The following CEP85L variants were observed in gnomAD, a reference collection of about 807,000 sequenced individuals.
The protein encoded by CEP85L is centrosomal protein 85L.
CEP85L carries 60 observed loss-of-function variants against 100.3 expected under a neutral mutation model. The observed-to-expected ratio is 0.60, with a 90% CI of 0.49 to 0.74. CEP85L has a LOEUF of 0.74. Among genes scored for constraint, CEP85L ranks in the 30% least tolerant of loss-of-function variants. The probability of loss-of-function intolerance (pLI) is 0.00; values close to 1 mark genes in which losing one functional copy is unlikely to be tolerated. For missense variants in CEP85L, 973 were observed against 936.2 expected (o/e 1.04, Z -0.51); for synonymous variants, 319 against 322.7 (o/e 0.99, Z 0.12).
intron 2 of CEP85L, among the ~76,000 whole-genome samples, chr6:118,608,394 C>T (rs1024265563): frequency 6.6e-6 from 1 of 151,998 alleles, no homozygotes; most frequent in East Asian, 1.9e-4. Context: ...ACTCGGGAGG[C>T]TGAGGCAGGA....
chr6:118,485,955 GGTCT>G lies in CEP85L; in HGVS notation c.1438-2101_1438-2098del, dbSNP rs1774150565. ...GCCTCAAAAAGCAATGACTGGAATA[GGTCT>G]GTCTGTGTGCAAAGATGTCCTACTT... On this transcript the variant is annotated intron_variant, in intron 6 of 12. Transcript: ENST00000368491. Among the ~76,000 whole-genome samples, 5 of 152,314 alleles carry G rather than the reference GGTCT, an allele frequency of 3.3e-5. No individual in the cohort carries two copies. In the South Asian group the frequency reaches 1.0e-3, roughly 32 times the overall value.
rs7739395 is a variant in CEP85L at position 118,618,018 on chromosome 6, T to C, written c.232+14435A>G. On this transcript the variant is annotated intron_variant, in intron 2 of 12. Transcript: ENST00000368491. ...AGGGCTCTCTGACAATCCCTGACCC[T>C]TTGGAGTTGGGAGCACTGGTTTGCC... Among the ~76,000 whole-genome samples, 404 of 152,206 alleles carry C rather than the reference T, an allele frequency of 2.7e-3. 10 individuals carry two copies. The East Asian group carries it at 0.056, about 21-fold the overall frequency.
intron 1 of CEP85L, among the ~76,000 whole-genome samples, chr6:118,669,924 T>C (rs530116515): frequency 1.8e-4 from 27 of 150,020 alleles, no homozygotes; most frequent in Non-Finnish European, 3.1e-4. Flanking sequence ...AGATAACTCA[T>C]GTGTAAGAGG....
At chr6:118,502,153 C>A in intron 5 of CEP85L, 1 of 1,152,374 alleles carries the variant, frequency 8.7e-7, no homozygotes, top group Non-Finnish European at 1.2e-6. Context: ...GAATATTCTG[C>A]AGGGGTTCAA....
At position 118,607,035 on chromosome 6, in the gene CEP85L, C is replaced by CAT. The variant is rs1247207716; in HGVS notation, c.232+25416_232+25417dup. The stretch of plus-strand genomic sequence containing the variant: ...GCCCTAGTGATCCAGCTTGTGGCAC[C>CAT]ATAGCCATGGGGGCCAAGCTGCATC... On this transcript the variant is annotated intron_variant, in intron 2 of 12. Transcript: ENST00000368491. 3.9e-5 allele frequency among the ~76,000 whole-genome samples: 6 copies of CAT among 152,230 alleles called. No homozygotes were observed. In the South Asian group the frequency reaches 1.0e-3, roughly 26 times the overall value.
At chr6:118,529,640 T>C (rs1403736429) in intron 3 of CEP85L, among the ~76,000 whole-genome samples, 1 of 150,312 alleles carries the variant, frequency 6.7e-6, no homozygotes. Flanking sequence ...AAAAAAATTC[T>C]TACTAGTATC....
rs73524133 is a variant in CEP85L, at chr6:118,492,957, A to G, written c.1258-1092T>C. On this transcript the variant is annotated intron_variant, in intron 5 of 12. Coordinates refer to ENST00000368491, the MANE Select transcript of CEP85L (RefSeq NM_001042475.3). Reference sequence around the variant, plus strand: ...GCATTTATCATGTCCAGGCTATTTCAAAGATGGCAGACTCACCCTTTACAA... The same window carrying G: ...GCATTTATCATGTCCAGGCTATTTCGAAGATGGCAGACTCACCCTTTACAA... 5.6e-3 allele frequency among the ~76,000 whole-genome samples: 857 copies of G among 152,298 alleles called. 10 individuals carry two copies. Among genetic ancestry groups the G allele is most frequent in the African/African-American group, 0.019 (808 of 41,584 alleles).
chr6:118,543,548 T>C (rs1778028899), intron 3 of CEP85L, among the ~76,000 whole-genome samples: 1 of 152,180 alleles, frequency 6.6e-6, no homozygotes, highest in Non-Finnish European at 1.5e-5. Flanking sequence ...TTTTCTGAAT[T>C]ATAAGAGATA....
intron 3 of CEP85L, among the ~76,000 whole-genome samples, chr6:118,563,403 C>A (rs1779333707): frequency 6.6e-6 from 1 of 152,126 alleles, no homozygotes; most frequent in South Asian, 2.1e-4. Flanking sequence ...ACTGTGAAAG[C>A]TACAGAATTC....
intron 2 of CEP85L, among the ~76,000 whole-genome samples, chr6:118,576,435 T>A (rs139140592): frequency 1.3e-5 from 2 of 152,252 alleles, no homozygotes; most frequent in African/African-American, 4.8e-5. Context: ...TCATGGACCA[T>A]CACTCCAGGA....
At chr6:118,529,762 A>G (rs1055762923) in intron 3 of CEP85L, among the ~76,000 whole-genome samples, 4 of 152,176 alleles carry the variant, frequency 2.6e-5, no homozygotes, top group Admixed American at 1.3e-4. Flanking sequence ...ATCTACTTTT[A>G]AAGTTCTAGA....
intron 1 of CEP85L, among the ~76,000 whole-genome samples, chr6:118,692,395 A>C (rs1777073277): frequency 6.6e-6 from 1 of 152,162 alleles, no homozygotes; most frequent in African/African-American, 2.4e-5. Context: ...CAAAGCACTG[A>C]AAGCAGGGCA....
At chr6:118,509,594 AC>A (rs1775853178) in intron 5 of CEP85L, among the ~76,000 whole-genome samples, 1 of 152,110 alleles carries the variant, frequency 6.6e-6, no homozygotes, top group African/African-American at 2.4e-5. Flanking sequence ...ATTTTAATAT[AC>A]CAATGTCTCT....
At chr6:118,481,339 T>G (rs1773767946) in intron 8 of CEP85L, among the ~76,000 whole-genome samples, 1 of 152,112 alleles carries the variant, frequency 6.6e-6, no homozygotes, top group Non-Finnish European at 1.5e-5. Flanking sequence ...ACAGAAACTT[T>G]TGGCAAGATA....
intron 3 of CEP85L, among the ~76,000 whole-genome samples, chr6:118,539,666 C>T (rs1202944323): frequency 1.3e-5 from 2 of 151,924 alleles, no homozygotes; most frequent in Non-Finnish European, 2.9e-5. Context: ...TAAACCTGTG[C>T]CATGGTGGTT....
intron 3 of CEP85L, among the ~76,000 whole-genome samples, chr6:118,542,433 G>C (rs1777947798): frequency 6.6e-6 from 1 of 151,994 alleles, no homozygotes; most frequent in Non-Finnish European, 1.5e-5. Flanking sequence ...AAATTTACAT[G>C]TTTAACAAAA....
chr6:118,563,020 T>C (rs1263772483), intron 3 of CEP85L, among the ~76,000 whole-genome samples: 1 of 152,156 alleles, frequency 6.6e-6, no homozygotes, highest in Admixed American at 6.5e-5. Flanking sequence ...CCAGACTGTT[T>C]TTCCTCCTCT....
chr6:118,606,103 A>G (rs1040855980), intron 2 of CEP85L, among the ~76,000 whole-genome samples: 1 of 152,118 alleles, frequency 6.6e-6, no homozygotes, highest in Non-Finnish European at 1.5e-5. Context: ...TTCCATAAAA[A>G]CAAGTTCCAA....
At chr6:118,568,464 C>T (rs1779678518) in intron 2 of CEP85L, among the ~76,000 whole-genome samples, 1 of 152,072 alleles carries the variant, frequency 6.6e-6, no homozygotes, top group South Asian at 2.1e-4. Flanking sequence ...AAAAATAAAT[C>T]CATGTATCTA....
Sources: allele counts gnomAD v4.1 joint callset (sites outside exome capture counted in the v4.1 genomes callset), GRCh38; gene constraint gnomAD v4.1.1; transcripts MANE v1.5; gene names NCBI Gene and HGNC (gene_info 2026-07-23, HGNC 2026-07-21).